The following TCF7 variants were observed in gnomAD, a reference collection of about 807,000 sequenced individuals.
TCF7 encodes the protein T-cell-factor-7.
TCF7 carries 19 observed loss-of-function variants against 46.8 expected under a neutral mutation model. The observed-to-expected ratio is 0.41, with a 90% CI of 0.28 to 0.60. The LOEUF is 0.60. Among genes scored for constraint, TCF7 ranks in the 20% least tolerant of loss-of-function variants. The pLI, the probability that TCF7 is intolerant of heterozygous loss-of-function variation, is 0.35. For synonymous variants in TCF7, 245 were observed against 213.4 expected, an observed-to-expected ratio of 1.15 and a Z score of -1.29; for missense variants, 547 against 504.6, an observed-to-expected ratio of 1.08 and a Z score of -0.81.
intron 3 of TCF7, among the ~76,000 whole-genome samples, chr5:134,131,456 A>C (rs1410727881): frequency 6.6e-6 from 1 of 152,192 alleles, no homozygotes; most frequent in Non-Finnish European, 1.5e-5. Context: ...GAGGTAGCAC[A>C]AGGCTCAAGG....
upstream of TCF7, among the ~76,000 whole-genome samples, chr5:134,112,076 C>T (rs1378153806): frequency 6.6e-6 from 1 of 152,126 alleles, no homozygotes; most frequent in Non-Finnish European, 1.5e-5. Context: ...CTGACTAGAC[C>T]AGGGACTCCT....
At position 134,114,992 on chromosome 5, in the gene TCF7, A is replaced by G. The variant is rs2149261378; in HGVS notation, c.86A>G (p.Glu29Gly). The change falls in exon 1 of 10, where the codon GAA becomes GGA. Residue 29 changes from glutamate to glycine, a missense_variant. Glu to Gly is a moderately conservative substitution (Grantham distance 98, BLOSUM62 -2). Transcript: ENST00000342854. ...GACGAGCTGCTGGCCTTCCAGGATGAAGGCGAGGAGCAGGACGACAAGAGC... is the reference window on the plus strand; with the variant it reads ...GACGAGCTGCTGGCCTTCCAGGATGGAGGCGAGGAGCAGGACGACAAGAGC... ...APDELLAFQD[E>G]GEEQDDKSRD... 8.1e-7 allele frequency: 1 copy of G among 1,233,754 alleles called. No homozygotes were observed. The highest frequency in any genetic ancestry group is 5.1e-5 in the East Asian group (1 of 19,586). The allele number at this position is 1,233,754 out of a possible 1,614,324, so 76.4% of individuals were successfully genotyped here.
chr5:134,109,822 G>C (rs574066996), upstream of TCF7, among the ~76,000 whole-genome samples: 116 of 150,312 alleles, frequency 7.7e-4, no homozygotes, highest in African/African-American at 2.6e-3. Context: ...GCTTCCAGGT[G>C]AATTTGGGCC....
intron 5 of TCF7, chr5:134,141,374 C>T (rs1165150586): frequency 6.6e-6 from 1 of 152,400 alleles, no homozygotes; most frequent in African/African-American, 2.4e-5. Context: ...TACATGGATC[C>T]CTTCACTTAG....
At chr5:134,125,330 G>A (rs932299846) in intron 3 of TCF7, among the ~76,000 whole-genome samples, 3 of 152,232 alleles carry the variant, frequency 2.0e-5, no homozygotes, top group Non-Finnish European at 4.4e-5. Flanking sequence ...AAAAATAGCT[G>A]CTCCCAGAGG....
chr5:134,130,254 C>A (rs1390120759), intron 3 of TCF7, among the ~76,000 whole-genome samples: 1 of 152,222 alleles, frequency 6.6e-6, no homozygotes, highest in Non-Finnish European at 1.5e-5. Context: ...TCCCGCCCCC[C>A]AGGAAGTCGA....
chr5:134,140,838 T>C lies in TCF7; in HGVS notation c.636-1347T>C, dbSNP rs1014192694. The C allele has an allele frequency of 1.8e-5, 8 of 454,762 alleles. 1 individual carries two copies. The highest frequency in any genetic ancestry group is 7.8e-5 in the South Asian group (5 of 64,434). 28.2% of individuals were successfully genotyped at this position (454,762 alleles called of 1,614,324 possible). A position where few individuals can be genotyped will look rare whatever the true frequency, so the allele number is the denominator to read the frequency against. On this transcript the variant is annotated intron_variant, in intron 5 of 9. Transcript: ENST00000342854. ...ACCCCCTGTCCCCTTCCTGCGGATA[T>C]AGACAGCACTTCCCTGCCCCCACTG...
At position 134,115,816 on chromosome 5, in the gene TCF7, C is replaced by A; in HGVS notation, c.317-93C>A. On this transcript the variant is annotated intron_variant, in intron 2 of 9. Coordinates refer to ENST00000342854, the MANE Select transcript of TCF7 (RefSeq NM_003202.5). Reference sequence around the variant, plus strand: ...CCCAAGTCAGGAACTTGCAGGGGACCCCTTGGCAATTCTTTTTCTCTCAAG... The same window carrying A: ...CCCAAGTCAGGAACTTGCAGGGGACACCTTGGCAATTCTTTTTCTCTCAAG... The A allele has an allele frequency of 2.5e-6, 4 of 1,581,408 alleles. No homozygotes were observed. The South Asian group carries it at 3.5e-5, about 14-fold the overall frequency.
At chr5:134,145,496 CCAA>C (rs916115288) in intron 9 of TCF7, 14 of 577,288 alleles carry the variant, frequency 2.4e-5, no homozygotes, top group African/African-American at 7.4e-5. Flanking sequence ...CAAGGTTTAC[CCAA>C]CAAGTGGTTA....
At chr5:134,126,920 A>G (rs183777001) in intron 3 of TCF7, among the ~76,000 whole-genome samples, 3 of 152,180 alleles carry the variant, frequency 2.0e-5, no homozygotes, top group African/African-American at 7.2e-5. Context: ...AAGATCGTAC[A>G]AGCCAAGAAA....
chr5:134,118,474 G>T (rs896410386), intron 3 of TCF7, among the ~76,000 whole-genome samples: 1 of 152,184 alleles, frequency 6.6e-6, no homozygotes, highest in African/African-American at 2.4e-5. Flanking sequence ...GACCTGCTCT[G>T]CCCATGTGTG....
intron 4 of TCF7, chr5:134,138,639 C>T: frequency 2.9e-6 from 1 of 339,402 alleles, no homozygotes; most frequent in Non-Finnish European, 5.4e-6. Flanking sequence ...CTGCCTCCTG[C>T]CCAGAAAGCT....
At chr5:134,122,335 A>G (rs915662484) in intron 3 of TCF7, among the ~76,000 whole-genome samples, 3 of 151,838 alleles carry the variant, frequency 2.0e-5, no homozygotes, top group African/African-American at 7.3e-5. Context: ...CAGGGCTGGC[A>G]AAGAGCCCTG....
chr5:134,143,674 T>C (rs1760233721), intron 9 of TCF7, 34 bp downstream of exon 9: 1 of 1,612,330 alleles, frequency 6.2e-7, no homozygotes, highest in African/African-American at 1.3e-5. Context: ...TGGAGGCTCC[T>C]CTCCATGTCC....
chr5:134,115,152 C>T lies in TCF7; in HGVS notation c.246C>T (p.Ala82=), dbSNP rs1240851570. The change falls in exon 1 of 10, where the codon GCC becomes GCT. Residue 82 remains alanine, a synonymous_variant. Coordinates refer to ENST00000342854, the MANE Select transcript of TCF7 (RefSeq NM_003202.5). ...CCGGCGCCGGGGCCCGCGGCGAGGC[C>T]GAGGTGAGCCCCCGCCGGCGCCGGC... ...PGAGAGARGE[A]EALGREHAAQ... is the part of the protein sequence containing the mutation. 3.9e-6 allele frequency: 4 copies of T among 1,018,946 alleles called. No homozygotes were observed. The highest frequency in any genetic ancestry group is 4.5e-5 in the South Asian group (1 of 22,074). 63.1% of individuals were successfully genotyped at this position (1,018,946 alleles called of 1,614,324 possible).
At chr5:134,113,602 C>T (rs2149258234), upstream of TCF7, among the ~76,000 whole-genome samples, 1 of 152,386 alleles carries the variant, frequency 6.6e-6, no homozygotes, top group South Asian at 2.1e-4. Context: ...GCACAGAAAC[C>T]TGCTAGGGGA....
Position 134,115,019 on chromosome 5 carries a change from G to T in TCF7, c.113G>T (p.Arg38Leu). The T allele has an allele frequency of 8.0e-7, 1 of 1,257,856 alleles. No individual in the cohort carries two copies. Among genetic ancestry groups the T allele is most frequent in the South Asian group, 1.5e-5 (1 of 66,672 alleles). The allele number at this position is 1,257,856 out of a possible 1,614,324, so 77.9% of individuals were successfully genotyped here. A position where few individuals can be genotyped will look rare whatever the true frequency, so the allele number is the denominator to read the frequency against. The change falls in exon 1 of 10, where the codon CGC becomes CTC. Residue 38 changes from arginine to leucine, a missense_variant. Physicochemically the swap from Arg to Leu is moderately radical, Grantham distance 102 (BLOSUM62 -2). Transcript: ENST00000342854. ...GGCGAGGAGCAGGACGACAAGAGCC[G>T]CGACAGCGCCGCCGGTCCCGAGCGC... ...DEGEEQDDKSRDSAAGPERDL... is the reference protein window; with the variant it reads ...DEGEEQDDKSLDSAAGPERDL...
At chr5:134,132,909 C>T (rs1047125065) in intron 3 of TCF7, among the ~76,000 whole-genome samples, 3 of 152,084 alleles carry the variant, frequency 2.0e-5, no homozygotes, top group African/African-American at 4.8e-5. Flanking sequence ...CAGGAGCACC[C>T]GAATGAGGAA....
chr5:134,143,229 G>T, intron 8 of TCF7, 129 bp downstream of exon 8: 1 of 992,432 alleles, frequency 1.0e-6, no homozygotes, highest in Non-Finnish European at 1.5e-6. Context: ...GGCACGGAGG[G>T]TCCAAGGCCT....
Sources: gnomAD v4.1 joint callset for allele counts (sites outside exome capture counted in the v4.1 genomes callset) on GRCh38, gnomAD v4.1.1 for gene constraint, MANE v1.5 for transcripts, NCBI Gene and HGNC (gene_info 2026-07-23, HGNC 2026-07-21) for gene names.